Variants in DOCK3 observed in about 807,000 individuals in gnomAD.
The protein encoded by DOCK3 is dedicator of cytokinesis 3, also known as dedicator of cytokinesis protein 3.
In DOCK3, 60 loss-of-function variants were observed where a neutral mutation model predicts 265.6. The ratio of observed to expected loss-of-function variants is 0.23; its 90% CI spans 0.18 to 0.28. The LOEUF (loss-of-function observed/expected upper bound fraction) is 0.28. DOCK3 is among the 10% of genes least tolerant of loss of function. DOCK3 has a pLI of 1.00. For missense variants in DOCK3, 1,981 were observed against 2,594.3 expected (o/e 0.76, Z 5.14); for synonymous variants, 881 against 938.0 (o/e 0.94, Z 1.11).
At chr3:51,249,608 C>T (rs2079076871) in intron 22 of DOCK3, among the ~76,000 whole-genome samples, 10 of 108,502 alleles carry the variant, frequency 9.2e-5, no homozygotes, top group Non-Finnish European at 1.2e-4. Context: ...GTGGGGGGGT[C>T]AGCCCCCCGC....
intron 4 of DOCK3, chr3:50,901,646 G>C (rs1195186094): frequency 2.2e-6 from 1 of 453,978 alleles, no homozygotes; most frequent in Non-Finnish European, 4.4e-6. Flanking sequence ...CGAGGACCAT[G>C]GGAAAAGCAT....
At chr3:51,136,231 C>T (rs1432650242) in intron 9 of DOCK3, among the ~76,000 whole-genome samples, 1 of 151,164 alleles carries the variant, frequency 6.6e-6, no homozygotes, top group Non-Finnish European at 1.5e-5. Flanking sequence ...TGCCCCCCGC[C>T]ACCTTTTTTT....
chr3:50,715,542 C>T (rs376449368), intron 1 of DOCK3, among the ~76,000 whole-genome samples: 62 of 151,864 alleles, frequency 4.1e-4, no homozygotes, highest in Admixed American at 2.3e-3. Flanking sequence ...CAGAGCAAGA[C>T]GCTGCCTCAG....
At position 51,341,262 on chromosome 3, in the gene DOCK3, C is replaced by T; in HGVS notation, c.3792C>T (p.Tyr1264=). The T allele has an allele frequency of 1.9e-6, 3 of 1,598,416 alleles. No homozygotes were observed. Among genetic ancestry groups the T allele is most frequent in the Non-Finnish European group, 2.6e-6 (3 of 1,172,084 alleles). ...YTEAAFTLLL[Y]CELLQWEDRP... ...AGGCCGCATTTACCCTGCTCCTTTA[C>T]TGTGAGCTGCTGCAGTGGGAGGACC... The change falls in exon 38 of 53, where the codon TAC becomes TAT. Residue 1264 remains tyrosine, a synonymous_variant. Coordinates refer to ENST00000266037, the MANE Select transcript of DOCK3 (RefSeq NM_004947.5).
chr3:50,813,102 G>A (rs1402089307), intron 2 of DOCK3, among the ~76,000 whole-genome samples: 1 of 152,188 alleles, frequency 6.6e-6, no homozygotes, highest in African/African-American at 2.4e-5. Context: ...GACATCCACA[G>A]AATTGTTTGT....
intron 9 of DOCK3, among the ~76,000 whole-genome samples, chr3:51,100,823 C>T (rs2083052713): frequency 6.7e-6 from 1 of 149,074 alleles, no homozygotes; most frequent in Non-Finnish European, 1.5e-5. Context: ...GAGATAGGAT[C>T]TTGCCCTGTT....
Position 51,312,459 on chromosome 3 carries a change from T to C in DOCK3, c.3094-17T>C, listed in dbSNP as rs751345705. 3.1e-6 allele frequency: 5 copies of C among 1,608,842 alleles called. No homozygotes were observed. In the Admixed American group the frequency reaches 5.0e-5, roughly 16 times the overall value. On this transcript the variant is annotated splice_polypyrimidine_tract_variant and intron_variant, in intron 29 of 52. Coordinates refer to ENST00000266037, the MANE Select transcript of DOCK3 (RefSeq NM_004947.5). ...AGTTCTTAGACTGTCACATTTTCTC[T>C]TTCTCTGTCTGTCTAGGTGTGGAAT...
intron 10 of DOCK3, among the ~76,000 whole-genome samples, chr3:51,147,196 G>A (rs1162541064): frequency 6.6e-6 from 1 of 152,058 alleles, no homozygotes; most frequent in African/African-American, 2.4e-5. Flanking sequence ...TCTCTGAGCT[G>A]TATAATTTCT....
Position 51,374,537 on chromosome 3 carries a change from G to T in DOCK3, c.5362G>T (p.Asp1788Tyr). The change falls in exon 50 of 53, where the codon GAC (aspartate) becomes TAC (tyrosine). Residue 1788 changes from aspartate to tyrosine, a missense_variant. Asp to Tyr is a radical substitution (Grantham distance 160). Around this residue, in one of 4 missense-constraint regions of DOCK3, gnomAD observed 1,357 missense variants for 1,866.8 expected, o/e 0.73. Transcript: ENST00000266037. This position sits in a 1 kb window ranked among gnomAD's most constrained non-coding sequence, Gnocchi z 4.8. ...GATGTTGTTGCTGCCCACATACCGG[G>T]ACCGCCCAAGCAGTGCCATGTATCC... is the stretch of plus-strand genomic sequence containing the variant. ...EMMLLLPTYR[D>Y]RPSSAMYPAA... 1 of 1,613,844 alleles carries T rather than the reference G, an allele frequency of 6.2e-7. No homozygotes were observed. The highest frequency in any genetic ancestry group is 8.5e-7 in the Non-Finnish European group (1 of 1,179,856).
intron 38 of DOCK3, among the ~76,000 whole-genome samples, chr3:51,347,230 A>G (rs1216693574): frequency 6.6e-6 from 1 of 152,170 alleles, no homozygotes; most frequent in African/African-American, 2.4e-5. Flanking sequence ...TATGTCCTGA[A>G]TGGTATTGCC....
chr3:51,275,178 T>C lies in DOCK3; in HGVS notation c.2648T>C (p.Ile883Thr). 2 of 1,614,012 alleles carry C rather than the reference T, an allele frequency of 1.2e-6. No individual in the cohort carries two copies. The highest frequency in any genetic ancestry group is 1.7e-6 in the Non-Finnish European group (2 of 1,179,874). Residue 883 changes from isoleucine to threonine, a missense_variant, in exon 25 of 53, where the codon ATC becomes ACC. Physicochemically the swap from Ile to Thr is moderately conservative, Grantham distance 89. Around this residue, in one of 4 missense-constraint regions of DOCK3, gnomAD observed 1,357 missense variants for 1,866.8 expected, o/e 0.73. Coordinates refer to ENST00000266037, the MANE Select transcript of DOCK3 (RefSeq NM_004947.5). ...ATTTGCTCAGGGATTCTTGGCAGCA[T>C]CTTCTCCATCGTCAAGACCAGCTCT... ...LLICSGILGS[I>T]FSIVKTSSLE...
chr3:51,281,214 G>T (rs2081091382), intron 27 of DOCK3, among the ~76,000 whole-genome samples: 1 of 149,628 alleles, frequency 6.7e-6, no homozygotes, highest in Non-Finnish European at 1.5e-5. Flanking sequence ...CACATTGGAA[G>T]AAGAATTGTC....
chr3:51,285,945 A>G (rs1342301105), intron 27 of DOCK3, among the ~76,000 whole-genome samples: 2 of 152,160 alleles, frequency 1.3e-5, no homozygotes, highest in Non-Finnish European at 2.9e-5. Flanking sequence ...AAATGAAAAA[A>G]GAGTTTAGTC....
At chr3:51,147,242 T>C (rs2085340240) in intron 10 of DOCK3, among the ~76,000 whole-genome samples, 1 of 152,258 alleles carries the variant, frequency 6.6e-6, no homozygotes, top group Non-Finnish European at 1.5e-5. Context: ...CCACCAAGTT[T>C]ACAGCTTTGT....
Position 51,324,587 on chromosome 3 carries a change from A to G in DOCK3, c.3403-5551A>G, listed in dbSNP as rs57263915. Among the ~76,000 whole-genome samples, 6 of 152,360 alleles carry G rather than the reference A, an allele frequency of 3.9e-5. No individual in the cohort carries two copies. The East Asian group carries it at 1.2e-3, about 29-fold the overall frequency. The stretch of plus-strand genomic sequence containing the variant: ...ACTACTTTAAATTTCATATGGAACC[A>G]AAAAAGAGCCTGCATAGCCAAGATA... On this transcript the variant is annotated intron_variant, in intron 32 of 52. Transcript: ENST00000266037.
chr3:51,296,639 G>T (rs1000480403), intron 27 of DOCK3, among the ~76,000 whole-genome samples: 19 of 151,988 alleles, frequency 1.3e-4, no homozygotes, highest in African/African-American at 4.6e-4. Context: ...ACCATGCCCG[G>T]CTATTTTTTT....
chr3:51,358,781 A>T (rs890587527), intron 46 of DOCK3, among the ~76,000 whole-genome samples: 2 of 152,214 alleles, frequency 1.3e-5, no homozygotes, highest in African/African-American at 4.8e-5. Context: ...GGTTTGGCCC[A>T]AGGACTTAAA....
rs368377481 is a variant in DOCK3 at position 51,080,989 on chromosome 3, G to A, written c.549+5549G>A. Among the ~76,000 whole-genome samples the A allele has an allele frequency of 1.9e-4, 29 of 151,820 alleles. No individual in the cohort carries two copies. The South Asian group carries it at 6.0e-3, about 32-fold the overall frequency. On this transcript the variant is annotated intron_variant, in intron 7 of 52. Transcript: ENST00000266037. ...TACATTCTATATGATGTTTTGCCCA[G>A]CTGGTGGAGACTTGATTTTTATATT... is the stretch of plus-strand genomic sequence containing the variant.
At chr3:51,090,201 A>C in intron 8 of DOCK3, 29 bp from the exon 9 acceptor site, 7 of 1,519,996 alleles carry the variant, frequency 4.6e-6, no homozygotes, top group South Asian at 3.9e-5. Context: ...CTAAAATAAA[A>C]ATCACTGGGT....
Sources: gnomAD v4.1 joint callset for allele counts (sites outside exome capture counted in the v4.1 genomes callset) on GRCh38, gnomAD v4.1.1 for gene constraint, gnomAD v4.1.1 regional missense constraint, Gnocchi (gnomAD v3.1) non-coding constraint, MANE v1.5 for transcripts, NCBI Gene and HGNC (gene_info 2026-07-23, HGNC 2026-07-21) for gene names.